NCKAP5: variants seen among roughly 807,000 people sequenced by gnomAD.
The protein encoded by NCKAP5 is nck-associated protein 5.
Under a neutral mutation model 167.0 loss-of-function variants are expected in NCKAP5, and 92 were observed. That is an observed-to-expected ratio of 0.55 (90% CI 0.47 to 0.66). The LOEUF (loss-of-function observed/expected upper bound fraction) is 0.66. NCKAP5 is among the 30% of genes least tolerant of loss of function. The pLI is 0.00. For missense variants in NCKAP5, 2,378 were observed against 2,315.0 expected (o/e 1.03, Z -0.56); for synonymous variants, 891 against 877.4 (o/e 1.02, Z -0.27).
intron 6 of NCKAP5, among the ~76,000 whole-genome samples, chr2:133,088,331 A>G (rs1400815019): frequency 1.3e-5 from 2 of 152,070 alleles, no homozygotes; most frequent in Non-Finnish European, 2.9e-5. Flanking sequence ...GTTGGTCCTC[A>G]TTCTCCCACT....
At chr2:133,599,432 AG>A in the NCKAP5 span, among the ~76,000 whole-genome samples, 2 of 152,150 alleles carry the variant, frequency 1.3e-5, no homozygotes, top group Non-Finnish European at 2.9e-5. Flanking sequence ...GGATTGCACA[AG>A]GAAGTGCAAT....
At chr2:132,716,521 A>G (rs989811251) in intron 19 of NCKAP5, among the ~76,000 whole-genome samples, 2 of 152,110 alleles carry the variant, frequency 1.3e-5, no homozygotes, top group African/African-American at 2.4e-5. Context: ...TTGCTTTGAA[A>G]TTCCACTGTG....
chr2:132,971,317 G>A (rs1047414041), intron 7 of NCKAP5, among the ~76,000 whole-genome samples: 1 of 152,152 alleles, frequency 6.6e-6, no homozygotes, highest in Middle Eastern at 3.2e-3. Flanking sequence ...AAATAACCAC[G>A]ATGTGAGAAG....
intron 19 of NCKAP5, among the ~76,000 whole-genome samples, chr2:132,693,751 G>A (rs887284834): frequency 8.0e-5 from 12 of 149,962 alleles, no homozygotes; most frequent in South Asian, 2.1e-4. Context: ...TCAGCCTCTC[G>A]AGTAGCTGGG....
chr2:133,384,953 C>T (rs1195126741), intron 3 of NCKAP5, among the ~76,000 whole-genome samples: 6 of 152,130 alleles, frequency 3.9e-5, no homozygotes, highest in South Asian at 2.1e-4. Context: ...TGGGCTAAGT[C>T]GATGGGGTTT....
At chr2:133,131,821 C>T (rs78123909) in intron 5 of NCKAP5, among the ~76,000 whole-genome samples, 5,805 of 152,184 alleles carry the variant, frequency 0.038, 162 homozygotes, top group Non-Finnish European at 0.055. Context: ...ATGTTATATA[C>T]ATTTTACTAT....
chr2:133,637,151 T>C, the NCKAP5 span, among the ~76,000 whole-genome samples: 1 of 151,838 alleles, frequency 6.6e-6, no homozygotes, highest in Admixed American at 6.6e-5. Flanking sequence ...TCTAAATCTA[T>C]CAAACCTACT....
At chr2:132,851,420 A>G (rs2105483125) in intron 11 of NCKAP5, among the ~76,000 whole-genome samples, 1 of 152,240 alleles carries the variant, frequency 6.6e-6, no homozygotes, top group Admixed American at 6.5e-5. Context: ...GAGAATCTTT[A>G]TCTTCATCCC....
At chr2:133,290,946 C>T (rs1195488825) in intron 4 of NCKAP5, among the ~76,000 whole-genome samples, 5 of 151,890 alleles carry the variant, frequency 3.3e-5, no homozygotes, top group African/African-American at 9.7e-5. Flanking sequence ...ATCTTAAACT[C>T]CTGGGTTCAA....
the NCKAP5 span, among the ~76,000 whole-genome samples, chr2:133,658,080 C>G: frequency 1.3e-5 from 2 of 152,050 alleles, no homozygotes; most frequent in East Asian, 3.9e-4. Context: ...TAACAGAGTT[C>G]ATCCACCCCA....
intron 6 of NCKAP5, among the ~76,000 whole-genome samples, chr2:133,080,496 G>A (rs780500423): frequency 5.3e-5 from 8 of 152,144 alleles, no homozygotes; most frequent in East Asian, 1.9e-4. Context: ...CAGCCAACCC[G>A]TTGCTTACAT....
intron 5 of NCKAP5, among the ~76,000 whole-genome samples, chr2:133,131,722 C>T (rs557328894): frequency 9.2e-5 from 14 of 151,982 alleles, no homozygotes; most frequent in African/African-American, 3.4e-4. Context: ...ATTCTGGAAG[C>T]GCTGGAAAGA....
chr2:133,084,042 G>A (rs1267935315), intron 6 of NCKAP5, among the ~76,000 whole-genome samples: 2 of 152,192 alleles, frequency 1.3e-5, no homozygotes, highest in Non-Finnish European at 2.9e-5. Context: ...ATGATTAGGA[G>A]TTTCTGAGCA....
At chr2:133,315,452 A>C (rs1681535840) in intron 3 of NCKAP5, among the ~76,000 whole-genome samples, 1 of 152,184 alleles carries the variant, frequency 6.6e-6, no homozygotes, top group Non-Finnish European at 1.5e-5. Flanking sequence ...CTCCTTTGGC[A>C]GTGAAGTTTG....
chr2:132,882,480 T>C (rs928253608), intron 8 of NCKAP5, among the ~76,000 whole-genome samples: 2 of 152,220 alleles, frequency 1.3e-5, no homozygotes, highest in African/African-American at 4.8e-5. Context: ...TTAACTCCTT[T>C]GTTCAATCTT....
chr2:133,253,762 G>A (rs1042279208), intron 4 of NCKAP5, among the ~76,000 whole-genome samples: 1 of 152,182 alleles, frequency 6.6e-6, no homozygotes, highest in Non-Finnish European at 1.5e-5. Context: ...GAAAAAAAGG[G>A]AAAATATATG....
At chr2:132,721,473 G>C (rs1689923400) in intron 19 of NCKAP5, among the ~76,000 whole-genome samples, 1 of 152,138 alleles carries the variant, frequency 6.6e-6, no homozygotes, top group Non-Finnish European at 1.5e-5. Flanking sequence ...TATTTCAAAA[G>C]GGACTCCAGG....
At chr2:133,083,661 C>A (rs1034434983) in intron 6 of NCKAP5, among the ~76,000 whole-genome samples, 1 of 152,116 alleles carries the variant, frequency 6.6e-6, no homozygotes, top group Non-Finnish European at 1.5e-5. Flanking sequence ...AGACTGAATT[C>A]TGCAGGGAGT....
chr2:133,392,251 G>A (rs913357348), intron 3 of NCKAP5, among the ~76,000 whole-genome samples: 1 of 152,132 alleles, frequency 6.6e-6, no homozygotes, highest in Admixed American at 6.5e-5. Flanking sequence ...ACTTACCATT[G>A]TGTTGCAGTT....
Sources: gnomAD v4.1 joint callset for allele counts (sites outside exome capture counted in the v4.1 genomes callset) on GRCh38, gnomAD v4.1.1 for gene constraint, MANE v1.5 for transcripts, NCBI Gene and HGNC (gene_info 2026-07-23, HGNC 2026-07-21) for gene names.